The following SPON1 variants were observed in gnomAD, a reference collection of about 807,000 sequenced individuals.
SPON1 encodes spondin-1.
A neutral mutation model predicts 111.7 loss-of-function variants in SPON1; 52 were observed. That is an observed-to-expected ratio of 0.47 (90% CI 0.37 to 0.59). SPON1 has a LOEUF of 0.59. Among genes scored for constraint, SPON1 ranks in the 20% least tolerant of loss-of-function variants. The probability of loss-of-function intolerance (pLI) is 0.00; values close to 1 mark genes in which losing one functional copy is unlikely to be tolerated. For missense variants in SPON1, 957 were observed against 1,068.5 expected (o/e 0.90, Z 1.46); for synonymous variants, 410 against 395.8 (o/e 1.04, Z -0.43).
intron 6 of SPON1, among the ~76,000 whole-genome samples, chr11:14,160,455 TTA>T (rs869251533): frequency 0.022 from 169 of 7,634 alleles, 29 homozygotes; most frequent in Non-Finnish European, 0.03. Context: ...ATATATATAT[TTA>T]TATATATATA....
intron 3 of SPON1, among the ~76,000 whole-genome samples, chr11:14,054,197 C>T (rs1463648163): frequency 6.6e-6 from 1 of 152,190 alleles, no homozygotes; most frequent in African/African-American, 2.4e-5. Context: ...TTAACAGTCC[C>T]TGGAAGCCAG....
At chr11:13,987,507 G>A (rs1326694492) in intron 2 of SPON1, among the ~76,000 whole-genome samples, 1 of 152,142 alleles carries the variant, frequency 6.6e-6, no homozygotes, top group Admixed American at 6.5e-5. Context: ...TAGGTTGCCT[G>A]TTCACTCTGA....
intron 5 of SPON1, among the ~76,000 whole-genome samples, chr11:14,131,382 A>T (rs1847527968): frequency 6.6e-6 from 1 of 152,140 alleles, no homozygotes; most frequent in Admixed American, 6.5e-5. Flanking sequence ...CATCATCCTA[A>T]CACCTATTAG....
At chr11:14,122,399 T>G (rs1847400864) in intron 5 of SPON1, among the ~76,000 whole-genome samples, 1 of 152,188 alleles carries the variant, frequency 6.6e-6, no homozygotes, top group Non-Finnish European at 1.5e-5. Flanking sequence ...GGTCTTGATC[T>G]CCTGACCTCG....
At chr11:14,075,253 C>T in intron 3 of SPON1, 92 bp from the exon 4 acceptor site, 1 of 968,164 alleles carries the variant, frequency 1.0e-6, no homozygotes, top group Non-Finnish European at 1.6e-6. Context: ...CACTCAAAGC[C>T]ACAAAGCCAA....
intron 14 of SPON1, among the ~76,000 whole-genome samples, chr11:14,261,416 A>T (rs1343668510): frequency 6.6e-6 from 1 of 152,176 alleles, no homozygotes; most frequent in African/African-American, 2.4e-5. Flanking sequence ...GCAGTCGTTC[A>T]TCCTCCCTCC....
chr11:14,202,178 T>C (rs1022718171), intron 6 of SPON1, among the ~76,000 whole-genome samples: 6 of 152,212 alleles, frequency 3.9e-5, no homozygotes, highest in Non-Finnish European at 7.3e-5. Flanking sequence ...CAAGTGGCAG[T>C]CACCGAGGAA....
chr11:13,994,091 G>A (rs1848252535), intron 2 of SPON1, among the ~76,000 whole-genome samples: 1 of 152,058 alleles, frequency 6.6e-6, no homozygotes. Flanking sequence ...ATATTTAGTG[G>A]CATTTAATGG....
At chr11:14,122,530 A>G (rs1004829026) in intron 5 of SPON1, among the ~76,000 whole-genome samples, 2 of 152,118 alleles carry the variant, frequency 1.3e-5, no homozygotes, top group Non-Finnish European at 1.5e-5. Flanking sequence ...TGGAACTCCA[A>G]TTACCACTAT....
In SPON1 at chr11:14,208,077, A is replaced by G. The variant is rs530880593; in HGVS notation, c.826-35255A>G. Among the ~76,000 whole-genome samples, 103 of 152,316 alleles carry G rather than the reference A, an allele frequency of 6.8e-4. 3 individuals are homozygous for G. Among genetic ancestry groups the G allele is most frequent in the South Asian group, 1.9e-3 (9 of 4,820 alleles). ...AGGGACATGGATGGAGCTGGAGGCC[A>G]TTATCCATAGCAAACTAACACAGGA... On this transcript the variant is annotated intron_variant, in intron 6 of 15. Coordinates refer to ENST00000576479, the MANE Select transcript of SPON1 (RefSeq NM_006108.4).
At chr11:14,265,402 AATC>A (rs1233844903) in intron 15 of SPON1, 119 bp from the exon 16 acceptor site, 20 of 1,161,788 alleles carry the variant, frequency 1.7e-5, no homozygotes, top group Non-Finnish European at 1.9e-5. Context: ...GACTCTAACC[AATC>A]ATTACATACT....
At chr11:14,042,241 A>AACTT (rs781853618) in intron 3 of SPON1, among the ~76,000 whole-genome samples, 100 of 152,178 alleles carry the variant, frequency 6.6e-4, no homozygotes, top group Non-Finnish European at 1.2e-3. Flanking sequence ...TGTTTCTCCA[A>AACTT]ACTTATGTGC....
chr11:14,062,563 T>G (rs889660552), intron 3 of SPON1, among the ~76,000 whole-genome samples: 20 of 152,148 alleles, frequency 1.3e-4, no homozygotes, highest in Non-Finnish European at 2.4e-4. Context: ...GAATCCAAAT[T>G]GGCAGGAGAG....
intron 6 of SPON1, among the ~76,000 whole-genome samples, chr11:14,159,968 C>G (rs1847891325): frequency 6.6e-6 from 1 of 151,828 alleles, no homozygotes; most frequent in African/African-American, 2.4e-5. Context: ...ATGAGTACAA[C>G]CTATTTGATA....
intron 2 of SPON1, among the ~76,000 whole-genome samples, chr11:14,028,176 G>GTGTTAGCAAGAATGTAGAGT (rs1554915604): frequency 6.6e-6 from 1 of 152,090 alleles, no homozygotes; most frequent in Non-Finnish European, 1.5e-5. Context: ...TGGATACAAA[G>GTGTTAGCAAGAATGTAGAGT]TGTTAGCAAG....
intron 3 of SPON1, among the ~76,000 whole-genome samples, chr11:14,044,560 C>T (rs539067321): frequency 1.3e-5 from 2 of 152,214 alleles, no homozygotes; most frequent in South Asian, 2.1e-4. Context: ...TGCAGTGAGC[C>T]GAGACTGTGC....
intron 6 of SPON1, among the ~76,000 whole-genome samples, chr11:14,227,433 T>A (rs1554938245): frequency 2.0e-5 from 3 of 152,352 alleles, no homozygotes. Context: ...TTAGTATTTG[T>A]TTGCTTGCTT....
intron 6 of SPON1, among the ~76,000 whole-genome samples, chr11:14,171,200 A>C (rs1848095233): frequency 6.6e-6 from 1 of 152,302 alleles, no homozygotes; most frequent in African/African-American, 2.4e-5. Flanking sequence ...CAGGGATTCA[A>C]CTTCTTCCTG....
At chr11:14,079,643 A>G (rs558126839) in intron 4 of SPON1, among the ~76,000 whole-genome samples, 42 of 151,874 alleles carry the variant, frequency 2.8e-4, no homozygotes, top group Non-Finnish European at 5.0e-4. Context: ...CGAATAGCCT[A>G]TGGGTTATTG....
Sources: allele counts gnomAD v4.1 joint callset (sites outside exome capture counted in the v4.1 genomes callset), GRCh38; gene constraint gnomAD v4.1.1; transcripts MANE v1.5; gene names NCBI Gene and HGNC (gene_info 2026-07-23, HGNC 2026-07-21).